Variants in NRG1 observed in about 807,000 individuals in gnomAD.
The protein encoded by NRG1 is neuregulin 1.
A neutral mutation model predicts 63.8 loss-of-function variants in NRG1; 18 were observed. That is an observed-to-expected ratio of 0.28 (90% confidence interval 0.19 to 0.42). The LOEUF (loss-of-function observed/expected upper bound fraction) is 0.42. NRG1 is among the 10% of genes least tolerant of loss of function. The pLI is 1.00. For synonymous variants in NRG1, 302 were observed against 301.3 expected, an observed-to-expected ratio of 1.00 and a Z score of -0.02; for missense variants, 762 against 814.7, an observed-to-expected ratio of 0.94 and a Z score of 0.79.
intron 1 of NRG1, among the ~76,000 whole-genome samples, chr8:32,186,497 A>C (rs1462009477): frequency 6.6e-6 from 1 of 152,034 alleles, no homozygotes; most frequent in East Asian, 1.9e-4. Flanking sequence ...AGAAAAAGAA[A>C]AAAAAAGAAA....
At chr8:32,279,532 T>C (rs1000083993) in intron 1 of NRG1, among the ~76,000 whole-genome samples, 4 of 152,146 alleles carry the variant, frequency 2.6e-5, no homozygotes, top group African/African-American at 9.7e-5. Flanking sequence ...TTTATATTTT[T>C]AGTAGAGATG....
At chr8:32,150,016 A>G (rs986800489) in intron 1 of NRG1, among the ~76,000 whole-genome samples, 3 of 152,202 alleles carry the variant, frequency 2.0e-5, no homozygotes, top group Non-Finnish European at 2.9e-5. Flanking sequence ...ATCCTTATAT[A>G]TGTATTGATT....
At chr8:31,881,373 A>T (rs1402817851) in intron 1 of NRG1, among the ~76,000 whole-genome samples, 1 of 152,190 alleles carries the variant, frequency 6.6e-6, no homozygotes, top group African/African-American at 2.4e-5. Flanking sequence ...TTGCAAACTT[A>T]GTTGGTAAAT....
At chr8:32,346,304 T>C (rs2129478932) in intron 1 of NRG1, among the ~76,000 whole-genome samples, 1 of 150,244 alleles carries the variant, frequency 6.7e-6, no homozygotes, top group South Asian at 2.1e-4. Flanking sequence ...TGTAGATACA[T>C]AAATTATGTG....
chr8:32,210,223 T>C (rs1051229763), intron 1 of NRG1, among the ~76,000 whole-genome samples: 2 of 152,186 alleles, frequency 1.3e-5, no homozygotes, highest in Admixed American at 6.5e-5. Flanking sequence ...TTTTTGTTTT[T>C]TTCTAAAATG....
At chr8:32,157,258 G>A (rs972067722) in intron 1 of NRG1, among the ~76,000 whole-genome samples, 3 of 151,166 alleles carry the variant, frequency 2.0e-5, no homozygotes, top group Admixed American at 6.6e-5. Context: ...CCAGCTACTC[G>A]GGAGGCTGAG....
chr8:31,981,019 C>T (rs1808979485), intron 1 of NRG1, among the ~76,000 whole-genome samples: 1 of 151,978 alleles, frequency 6.6e-6, no homozygotes, highest in South Asian at 2.1e-4. Flanking sequence ...AAAGTAAATG[C>T]TAACCCAGAA....
intron 1 of NRG1, among the ~76,000 whole-genome samples, chr8:32,394,723 T>C (rs1587345025): frequency 6.6e-6 from 1 of 152,138 alleles, no homozygotes; most frequent in East Asian, 1.9e-4. Flanking sequence ...TTGTTCTCCT[T>C]CTCCCCCTTC....
chr8:32,304,468 A>C (rs995250241), intron 1 of NRG1, among the ~76,000 whole-genome samples: 4 of 152,158 alleles, frequency 2.6e-5, no homozygotes, highest in Non-Finnish European at 2.9e-5. Flanking sequence ...TTTTTAATTA[A>C]ATAAATTTAT....
chr8:31,947,944 C>CAAAAA lies in NRG1; in HGVS notation c.37+308537_37+308541dup, dbSNP rs55953491. 5.8e-4 allele frequency among the ~76,000 whole-genome samples: 19 copies of CAAAAA among 32,958 alleles called. 3 individuals are homozygous for CAAAAA. In the East Asian group the frequency reaches 0.013, roughly 23 times the overall value. 21.6% of individuals were successfully genotyped at this position (32,958 alleles called of 152,430 possible). ...TGGGCTACAGAGTGAGACTCCATCT[C>CAAAAA]AAAAAAAAAAAAAAAAAAAAAAAAA... is the stretch of plus-strand genomic sequence containing the variant. On this transcript the variant is annotated intron_variant, in intron 1 of 10. Transcript: ENST00000519301.
At chr8:31,730,215 A>T (rs1813884111) in intron 1 of NRG1, among the ~76,000 whole-genome samples, 1 of 152,196 alleles carries the variant, frequency 6.6e-6, no homozygotes, top group South Asian at 2.1e-4. Context: ...TGTAACCAAG[A>T]TTCTGATAAT....
intron 1 of NRG1, among the ~76,000 whole-genome samples, chr8:31,977,424 T>G (rs1372832486): frequency 6.6e-6 from 1 of 152,132 alleles, no homozygotes; most frequent in Admixed American, 6.5e-5. Flanking sequence ...TTCTTCCTGT[T>G]CTGTTTTTCA....
intron 1 of NRG1, among the ~76,000 whole-genome samples, chr8:31,876,945 A>G (rs1183849699): frequency 6.6e-6 from 1 of 152,202 alleles, no homozygotes; most frequent in African/African-American, 2.4e-5. Context: ...GACTCATTTT[A>G]CACTTCTTTT....
chr8:31,851,363 A>G (rs890513365), intron 1 of NRG1, among the ~76,000 whole-genome samples: 10 of 152,118 alleles, frequency 6.6e-5, no homozygotes. Context: ...ACCATTTCTT[A>G]AAAGGATTAT....
At chr8:32,089,367 A>G (rs554571848) in intron 1 of NRG1, among the ~76,000 whole-genome samples, 1 of 152,324 alleles carries the variant, frequency 6.6e-6, no homozygotes, top group East Asian at 1.9e-4. Flanking sequence ...GTTTAACAGG[A>G]GTTTTTCCTG....
Position 31,985,402 on chromosome 8 carries a change from A to C in NRG1, c.37+345971A>C, listed in dbSNP as rs1204985731. Among the ~76,000 whole-genome samples, 4 of 152,142 alleles carry C rather than the reference A, an allele frequency of 2.6e-5. No homozygotes were observed. The East Asian group carries it at 7.7e-4, about 29-fold the overall frequency. Reference sequence around the variant, plus strand: ...ATAGAAAGAAGCAATAAGTTCTTTCAGTTGAATACACCCAGTACCTCTAAA... The same window carrying C: ...ATAGAAAGAAGCAATAAGTTCTTTCCGTTGAATACACCCAGTACCTCTAAA... On this transcript the variant is annotated intron_variant, in intron 1 of 10. Coordinates refer to the NRG1 transcript ENST00000519301.
chr8:32,764,245 T>A (rs775724504), exon 12 of NRG1: 1 of 1,614,130 alleles, frequency 6.2e-7, no homozygotes, highest in East Asian at 2.2e-5. Flanking sequence ...ACGCCTTTCC[T>A]GGGCATACAG....
intron 1 of NRG1, among the ~76,000 whole-genome samples, chr8:31,815,212 A>G (rs922679834): frequency 2.0e-5 from 3 of 152,178 alleles, no homozygotes; most frequent in Non-Finnish European, 4.4e-5. Flanking sequence ...AAAACTGAAA[A>G]GTTGAACTCT....
intron 1 of NRG1, among the ~76,000 whole-genome samples, chr8:32,212,586 T>C (rs1844808365): frequency 6.6e-6 from 1 of 152,208 alleles, no homozygotes; most frequent in African/African-American, 2.4e-5. Context: ...TCATGAGTTA[T>C]GCTTTATTAT....
Sources: allele counts gnomAD v4.1 joint callset (sites outside exome capture counted in the v4.1 genomes callset), GRCh38; gene constraint gnomAD v4.1.1; transcripts MANE v1.5; gene names NCBI Gene and HGNC (gene_info 2026-07-23, HGNC 2026-07-21).